The following DNAH9 variants were observed in gnomAD, a reference collection of about 807,000 sequenced individuals.
The protein encoded by DNAH9 is DNAH9 variant protein.
DNAH9 carries 345 observed loss-of-function variants against 471.6 expected under a neutral mutation model. The observed-to-expected ratio is 0.73, with a 90% CI of 0.67 to 0.80. DNAH9 has a LOEUF of 0.80. DNAH9 is among the 30% of genes least tolerant of loss of function. The pLI is 0.00. For missense variants in DNAH9, 5,407 were observed against 5,609.2 expected, an observed-to-expected ratio of 0.96 and a Z score of 1.15; for synonymous variants, 2,093 against 2,123.6, an observed-to-expected ratio of 0.99 and a Z score of 0.40.
At position 11,652,949 on chromosome 17, in the gene DNAH9, A is replaced by T; in HGVS notation, c.2542A>T (p.Lys848Ter). ...GGATGATCGGCATGATCGAATGGAA[A>T]AATATTACAATCTCATCAAGGAATC... Reference protein sequence around the residue: ...SLDDRHDRMEKYYNLIKESGL... With the variant: ...SLDDRHDRME Residue 848 changes from lysine (K) to a stop codon, truncating the protein, a stop_gained, in exon 14 of 69, where the codon AAA (lysine) becomes TAA (stop). Transcript: ENST00000262442. LOFTEE classifies it high-confidence loss of function. 1 of 1,614,120 alleles carries T rather than the reference A, an allele frequency of 6.2e-7. No individual in the cohort carries two copies. The highest frequency in any genetic ancestry group is 8.5e-7 in the Non-Finnish European group (1 of 1,179,976).
intron 4 of DNAH9, 181 bp downstream of exon 4, chr17:11,611,961 T>C (rs1247571930): frequency 1.1e-5 from 7 of 647,042 alleles, no homozygotes; most frequent in African/African-American, 1.8e-5. Flanking sequence ...AACAGAGCTA[T>C]GCTGTTTGCA....
chr17:11,785,499 G>T (rs1326016459), intron 41 of DNAH9, among the ~76,000 whole-genome samples: 1 of 152,122 alleles, frequency 6.6e-6, no homozygotes, highest in African/African-American at 2.4e-5. Flanking sequence ...AGGCCAGGTT[G>T]TTCCAGCCTG....
At chr17:11,639,130 G>A (rs773911708) in intron 9 of DNAH9, among the ~76,000 whole-genome samples, 3 of 152,290 alleles carry the variant, frequency 2.0e-5, no homozygotes, top group Middle Eastern at 3.4e-3. Flanking sequence ...ACAGGAGTAC[G>A]CTGTCATCAT....
At chr17:11,769,375 TG>T in intron 38 of DNAH9, 46 bp downstream of exon 38, 1 of 1,527,576 alleles carries the variant, frequency 6.5e-7, no homozygotes, top group Non-Finnish European at 8.9e-7. Context: ...TGGGTGGCCG[TG>T]TCACCTGACA....
intron 62 of DNAH9, 78 bp downstream of exon 62, chr17:11,924,019 C>T: frequency 3.2e-6 from 5 of 1,549,560 alleles, no homozygotes; most frequent in Middle Eastern, 1.8e-4. Context: ...TCTCCATCCA[C>T]TCTTAGCTTC....
intron 41 of DNAH9, among the ~76,000 whole-genome samples, chr17:11,791,698 G>T (rs1467269224): frequency 6.6e-6 from 1 of 152,080 alleles, no homozygotes; most frequent in African/African-American, 2.4e-5. Context: ...GTGACAAAAA[G>T]TGAGACTCTG....
chr17:11,730,525 G>A (rs1567755842), intron 28 of DNAH9, among the ~76,000 whole-genome samples: 2 of 152,140 alleles, frequency 1.3e-5, no homozygotes, highest in Admixed American at 1.3e-4. Flanking sequence ...CCTGGAATAA[G>A]GAATAATGCC....
chr17:11,880,043 G>T (rs773331381), intron 53 of DNAH9, 35 bp from the exon 54 acceptor site: 11 of 1,612,170 alleles, frequency 6.8e-6, no homozygotes, highest in Non-Finnish European at 9.3e-6. Flanking sequence ...GCTTGCCACA[G>T]TCTCATACTC....
At chr17:11,935,373 ATTT>A (rs140943753) in intron 65 of DNAH9, among the ~76,000 whole-genome samples, 36,592 of 140,310 alleles carry the variant, frequency 0.26, 5,021 homozygotes, top group Non-Finnish European at 0.34. Context: ...ATTCCAAAAG[ATTT>A]TTTTTTTTTT....
chr17:11,824,625 A>G (rs1211340288), intron 48 of DNAH9, among the ~76,000 whole-genome samples: 1 of 152,214 alleles, frequency 6.6e-6, no homozygotes, highest in Non-Finnish European at 1.5e-5. Context: ...CTAATTTAAT[A>G]GTGTGTAATA....
intron 38 of DNAH9, among the ~76,000 whole-genome samples, chr17:11,770,331 C>T (rs763218982): frequency 6.6e-6 from 1 of 152,288 alleles, no homozygotes; most frequent in Non-Finnish European, 1.5e-5. Context: ...AGAGTCAGCC[C>T]GCGATGTTGC....
At chr17:11,670,053 A>C (rs988977227) in intron 17 of DNAH9, among the ~76,000 whole-genome samples, 3 of 152,170 alleles carry the variant, frequency 2.0e-5, no homozygotes, top group Admixed American at 1.3e-4. Flanking sequence ...GGTAAGGAAT[A>C]TTAGAGACAA....
At chr17:11,860,135 C>T (rs1971788613) in intron 50 of DNAH9, among the ~76,000 whole-genome samples, 1 of 152,202 alleles carries the variant, frequency 6.6e-6, no homozygotes, top group South Asian at 2.1e-4. Flanking sequence ...AATTCCATTT[C>T]TATTCTGTGA....
In DNAH9 at chr17:11,669,145, A is replaced by G. The variant is rs779457653; in HGVS notation, c.2813A>G (p.Glu938Gly). ...GAGCTAGTTTTCTATCCGTCTCTGGAGTCTGGAGTGAAGGGGGGTTTCTGT... is the reference window on the plus strand; with the variant it reads ...GAGCTAGTTTTCTATCCGTCTCTGGGGTCTGGAGTGAAGGGGGGTTTCTGT... Reference protein sequence around the residue: ...IPELVFYPSLESGVKGGFCDI... With the variant: ...IPELVFYPSLGSGVKGGFCDI... The change falls in exon 16 of 69, where the codon GAG becomes GGG. Residue 938 changes from glutamate to glycine, a missense_variant. Physicochemically the swap from Glu to Gly is moderately conservative, Grantham distance 98. Transcript: ENST00000262442. The G allele has an allele frequency of 1.2e-6, 2 of 1,613,628 alleles. No individual in the cohort carries two copies. The highest frequency in any genetic ancestry group is 3.3e-5 in the Admixed American group (2 of 60,010).
At position 11,794,308 on chromosome 17, in the gene DNAH9, C is replaced by T. The variant is rs953073809; in HGVS notation, c.8223+644C>T. ...CGATCTCCTGACTTCGTGATCCACC[C>T]GCCTCGGCCTCCCAAAGTGCTGGGA... On this transcript the variant is annotated intron_variant, in intron 42 of 68. Transcript: ENST00000262442. 3.9e-5 allele frequency among the ~76,000 whole-genome samples: 6 copies of T among 152,196 alleles called. No individual in the cohort carries two copies. In the South Asian group the frequency reaches 6.2e-4, roughly 16 times the overall value.
chr17:11,799,040 T>C (rs951978307), intron 43 of DNAH9, among the ~76,000 whole-genome samples: 27 of 152,288 alleles, frequency 1.8e-4, no homozygotes, highest in African/African-American at 6.5e-4. Flanking sequence ...CTGGGCACCC[T>C]TCCTCCTCAC....
intron 61 of DNAH9, among the ~76,000 whole-genome samples, chr17:11,906,600 C>T (rs9901963): frequency 6.8e-6 from 1 of 146,846 alleles, no homozygotes; most frequent in Non-Finnish European, 1.5e-5. Context: ...GCACTCCAGC[C>T]TGGGTGACAA....
Position 11,705,375 on chromosome 17 carries a change from C to T in DNAH9, c.5552+190C>T, listed in dbSNP as rs1344770455. ...GGCAGAGCCTTTCTTGGAACAAATC[C>T]CAGAGCAAATCAATGAGCCGTGACT... On this transcript the variant is annotated intron_variant, in intron 26 of 68. Transcript: ENST00000262442. The T allele has an allele frequency of 1.8e-5, 10 of 555,368 alleles. No individual in the cohort carries two copies. The African/African-American group carries it at 1.9e-4, about 10-fold the overall frequency. 34.4% of individuals were successfully genotyped at this position (555,368 alleles called of 1,614,324 possible). A position where few individuals can be genotyped will look rare whatever the true frequency, so the allele number is the denominator to read the frequency against.
chr17:11,875,283 C>T, intron 53 of DNAH9, 99 bp downstream of exon 53: 1 of 891,294 alleles, frequency 1.1e-6, no homozygotes. Context: ...TTTGTACACT[C>T]CTGGTCTCTC....
Sources: allele counts gnomAD v4.1 joint callset (sites outside exome capture counted in the v4.1 genomes callset), GRCh38; gene constraint gnomAD v4.1.1; transcripts MANE v1.5; gene names NCBI Gene and HGNC (gene_info 2026-07-23, HGNC 2026-07-21).